CEP83: variants seen among roughly 807,000 people sequenced by gnomAD.
CEP83 encodes centrosomal protein 83.
Under a neutral mutation model 101.9 loss-of-function variants are expected in CEP83, and 70 were observed. The ratio of observed to expected loss-of-function variants is 0.69; its 90% CI spans 0.57 to 0.84. The LOEUF is 0.84. Ranked by LOEUF, CEP83 falls within the 40% of genes least tolerant of loss-of-function variation. The pLI, the probability that CEP83 is intolerant of heterozygous loss-of-function variation, is 0.00. For missense variants in CEP83, 715 were observed against 787.2 expected (o/e 0.91, Z 1.10); for synonymous variants, 264 against 267.9 (o/e 0.99, Z 0.14).
At chr12:94,293,110 G>A in the CEP83 span, among the ~76,000 whole-genome samples, 4 of 151,890 alleles carry the variant, frequency 2.6e-5, no homozygotes, top group South Asian at 4.2e-4. Context: ...CTTTTCTGTC[G>A]AGCTTCTTCT....
intron 8 of CEP83, among the ~76,000 whole-genome samples, 168 bp downstream of exon 8, chr12:94,375,718 T>G (rs1035713510): frequency 6.6e-6 from 1 of 152,176 alleles, no homozygotes; most frequent in Non-Finnish European, 1.5e-5. Context: ...AAGAATGAAA[T>G]AGAGGCATAA....
At chr12:94,397,001 T>C (rs1385591806) in intron 6 of CEP83, among the ~76,000 whole-genome samples, 3 of 152,328 alleles carry the variant, frequency 2.0e-5, no homozygotes, top group East Asian at 3.9e-4. Flanking sequence ...TTTACTGTTT[T>C]TGTATATAGA....
intron 12 of CEP83, 72 bp downstream of exon 12, chr12:94,335,517 T>G: frequency 9.9e-7 from 1 of 1,010,414 alleles, no homozygotes; most frequent in Non-Finnish European, 1.5e-6. Context: ...CAAAATTTTT[T>G]TAAAATTTGC....
intron 6 of CEP83, among the ~76,000 whole-genome samples, chr12:94,379,568 T>G (rs1172536940): frequency 6.6e-6 from 1 of 152,184 alleles, no homozygotes; most frequent in African/African-American, 2.4e-5. Context: ...GTCCTAATTG[T>G]AATGATGGCC....
the CEP83 span, chr12:94,277,292 T>A: frequency 2.0e-5 from 3 of 152,610 alleles, no homozygotes; most frequent in Admixed American, 2.0e-4. Context: ...TCTAATCCCC[T>A]CCAAAGGCCC....
intron 2 of CEP83, among the ~76,000 whole-genome samples, chr12:94,433,136 C>T (rs537747214): frequency 1.3e-5 from 2 of 152,224 alleles, no homozygotes; most frequent in South Asian, 2.1e-4. Context: ...TAGAAGGCCA[C>T]ATGCAGAAGA....
intron 12 of CEP83, among the ~76,000 whole-genome samples, chr12:94,334,922 TTC>T (rs1406241966): frequency 2.0e-5 from 3 of 152,138 alleles, no homozygotes; most frequent in Non-Finnish European, 4.4e-5. Flanking sequence ...ACTAAATAAC[TTC>T]TGAGTATCAA....
intron 6 of CEP83, among the ~76,000 whole-genome samples, chr12:94,393,413 C>A (rs2062686721): frequency 6.6e-6 from 1 of 152,164 alleles, no homozygotes; most frequent in Non-Finnish European, 1.5e-5. Context: ...AGACCTTTGA[C>A]AAAATTCAAC....
the CEP83 span, chr12:94,277,931 A>G: frequency 2.2e-6 from 1 of 455,994 alleles, no homozygotes; most frequent in African/African-American, 2.0e-5. Context: ...CCCATCTTCC[A>G]TATGATTTGT....
At chr12:94,420,147 A>G (rs548086651) in intron 2 of CEP83, among the ~76,000 whole-genome samples, 29 of 152,322 alleles carry the variant, frequency 1.9e-4, no homozygotes, top group African/African-American at 6.5e-4. Flanking sequence ...AAGACTGACG[A>G]TAAGTCTGGA....
intron 1 of CEP83, among the ~76,000 whole-genome samples, chr12:94,442,542 C>T (rs973590403): frequency 6.6e-5 from 10 of 151,976 alleles, no homozygotes; most frequent in South Asian, 2.1e-4. Flanking sequence ...AGAAAAAACA[C>T]GGAAAGAAAG....
At chr12:94,333,427 T>A (rs552887111) in intron 13 of CEP83, 55 bp downstream of exon 13, 1 of 1,455,888 alleles carries the variant, frequency 6.9e-7, no homozygotes, top group Non-Finnish European at 9.4e-7. Flanking sequence ...CTAAAATAAG[T>A]ACATGTTATA....
chr12:94,425,779 A>G (rs1416839751), intron 2 of CEP83, among the ~76,000 whole-genome samples: 1 of 152,226 alleles, frequency 6.6e-6, no homozygotes, highest in Admixed American at 6.5e-5. Flanking sequence ...AAGAATATTT[A>G]TGCTGTAGCT....
Position 94,425,748 on chromosome 12 carries a change from G to A in CEP83, c.-102+9527C>T, listed in dbSNP as rs975959136. Among the ~76,000 whole-genome samples, 8 of 151,980 alleles carry A rather than the reference G, an allele frequency of 5.3e-5. 1 individual carries two copies. Among genetic ancestry groups the A allele is most frequent in the Admixed American group, 5.2e-4 (8 of 15,274 alleles). ...CGTCTTAATCTATGAAAAGATTTTT[G>A]CTTTAAGAACCATCACAGCAAAGAA... On this transcript the variant is annotated intron_variant, in intron 2 of 16. Coordinates refer to ENST00000397809, the MANE Select transcript of CEP83 (RefSeq NM_016122.3).
intron 14 of CEP83, among the ~76,000 whole-genome samples, chr12:94,313,697 C>T (rs1319679566): frequency 6.6e-6 from 1 of 151,888 alleles, no homozygotes; most frequent in Non-Finnish European, 1.5e-5. Flanking sequence ...ATTAGCTGGG[C>T]GTGGTGGCGG....
intron 1 of CEP83, among the ~76,000 whole-genome samples, chr12:94,449,509 C>G (rs1402822885): frequency 1.3e-5 from 2 of 151,508 alleles, no homozygotes; most frequent in Non-Finnish European, 2.9e-5. Flanking sequence ...GTAGTCCCAG[C>G]ACTTTGGGAG....
At chr12:94,372,579 G>A (rs1454670530) in intron 8 of CEP83, among the ~76,000 whole-genome samples, 1 of 152,172 alleles carries the variant, frequency 6.6e-6, no homozygotes, top group Non-Finnish European at 1.5e-5. Context: ...AGCTGCATGA[G>A]GTGGAAAATT....
chr12:94,384,905 G>A (rs920881531), intron 6 of CEP83, among the ~76,000 whole-genome samples: 2 of 152,174 alleles, frequency 1.3e-5, no homozygotes, highest in Non-Finnish European at 1.5e-5. Flanking sequence ...ATCTATTAGT[G>A]TGTTTTACAT....
chr12:94,409,540 A>C (rs1235462661), intron 4 of CEP83, among the ~76,000 whole-genome samples: 3 of 152,236 alleles, frequency 2.0e-5, no homozygotes, highest in Non-Finnish European at 4.4e-5. Flanking sequence ...GAAAGCACTG[A>C]AGCAGAAAAT....
Sources: gnomAD v4.1 joint callset for allele counts (sites outside exome capture counted in the v4.1 genomes callset) on GRCh38, gnomAD v4.1.1 for gene constraint, MANE v1.5 for transcripts, NCBI Gene and HGNC (gene_info 2026-07-23, HGNC 2026-07-21) for gene names.